CNTNAP5: variants seen among roughly 807,000 people sequenced by gnomAD.
The protein encoded by CNTNAP5 is contactin-associated protein-like 5.
CNTNAP5 carries 72 observed loss-of-function variants against 150.2 expected under a neutral mutation model. The ratio of observed to expected loss-of-function variants is 0.48; its 90% confidence interval spans 0.40 to 0.58. The LOEUF is 0.58. Ranked by LOEUF, CNTNAP5 falls within the 20% of genes least tolerant of loss-of-function variation. The probability of loss-of-function intolerance (pLI) is 0.00; values close to 1 mark genes in which losing one functional copy is unlikely to be tolerated. For missense variants in CNTNAP5, 1,636 were observed against 1,626.2 expected (o/e 1.01, Z -0.10); for synonymous variants, 672 against 619.8 (o/e 1.08, Z -1.25).
intron 19 of CNTNAP5, among the ~76,000 whole-genome samples, chr2:124,805,380 A>G (rs1682060584): frequency 5.9e-5 from 9 of 152,118 alleles, no homozygotes; most frequent in Admixed American, 5.9e-4. Context: ...GAACTAACTA[A>G]CAAAGACTTC....
At chr2:124,504,250 TA>T (rs771459851) in intron 7 of CNTNAP5, 41 bp from the exon 8 acceptor site, 4 of 1,591,454 alleles carry the variant, frequency 2.5e-6, no homozygotes, top group Non-Finnish European at 3.4e-6. Context: ...GATTGCGGAA[TA>T]AAAAATGGCT....
chr2:124,577,149 G>T (rs565789522), intron 11 of CNTNAP5, among the ~76,000 whole-genome samples: 1 of 152,226 alleles, frequency 6.6e-6, no homozygotes, highest in East Asian at 1.9e-4. Context: ...GGCTCTCAAT[G>T]ATCCTACTAT....
Position 124,417,433 on chromosome 2 carries a change from T to C in CNTNAP5, c.382-10T>C. 1 of 1,612,430 alleles carries C rather than the reference T, an allele frequency of 6.2e-7. No homozygotes were observed. Among genetic ancestry groups the C allele is most frequent in the African/African-American group, 1.3e-5 (1 of 75,042 alleles). ...CACAGACCTCACTGCCTCTCCTTTCTTCTCTGCAGACCTTTGCAGGAAACA... is the reference window on the plus strand; with the variant it reads ...CACAGACCTCACTGCCTCTCCTTTCCTCTCTGCAGACCTTTGCAGGAAACA... On this transcript the variant is annotated splice_polypyrimidine_tract_variant and intron_variant, in intron 3 of 23. Transcript: ENST00000682447.
chr2:124,245,615 A>G (rs917398364), intron 3 of CNTNAP5, among the ~76,000 whole-genome samples: 3 of 151,184 alleles, frequency 2.0e-5, no homozygotes, highest in African/African-American at 7.3e-5. Context: ...ATATATATGC[A>G]TGTGTGTGTA....
At chr2:124,271,012 T>G (rs1331205853) in intron 3 of CNTNAP5, among the ~76,000 whole-genome samples, 1 of 152,120 alleles carries the variant, frequency 6.6e-6, no homozygotes, top group Non-Finnish European at 1.5e-5. Flanking sequence ...GTCGATTCTT[T>G]CAGCCCTTGG....
chr2:124,825,401 C>T (rs1682571984), intron 19 of CNTNAP5, among the ~76,000 whole-genome samples: 1 of 152,118 alleles, frequency 6.6e-6, no homozygotes, highest in African/African-American at 2.4e-5. Flanking sequence ...CTCAAAGTCC[C>T]ATTTAAACTG....
intron 3 of CNTNAP5, among the ~76,000 whole-genome samples, chr2:124,397,210 G>A (rs998265773): frequency 6.6e-6 from 1 of 152,140 alleles, no homozygotes; most frequent in Non-Finnish European, 1.5e-5. Context: ...CAATTCTAGA[G>A]CCTTTCTGTC....
intron 13 of CNTNAP5, among the ~76,000 whole-genome samples, chr2:124,702,140 A>G (rs892097815): frequency 6.6e-6 from 1 of 151,850 alleles, no homozygotes; most frequent in African/African-American, 2.4e-5. Context: ...ATCACCTACC[A>G]AGGCTTTGAT....
chr2:124,510,387 A>ACACC (rs1553474693), intron 8 of CNTNAP5, among the ~76,000 whole-genome samples: 7 of 123,428 alleles, frequency 5.7e-5, no homozygotes, highest in African/African-American at 2.2e-4. Context: ...ACACACACAC[A>ACACC]CAAATATTCA....
At chr2:124,679,238 C>A (rs1477194189) in intron 13 of CNTNAP5, among the ~76,000 whole-genome samples, 1 of 151,774 alleles carries the variant, frequency 6.6e-6, no homozygotes, top group Non-Finnish European at 1.5e-5. Context: ...TGAATTGAGC[C>A]AAGAGCTAGC....
chr2:124,202,789 T>G (rs1005627764), intron 1 of CNTNAP5, among the ~76,000 whole-genome samples: 1 of 152,056 alleles, frequency 6.6e-6, no homozygotes, highest in Non-Finnish European at 1.5e-5. Flanking sequence ...AAGAAGAGCA[T>G]GGAAAAAATT....
intron 21 of CNTNAP5, among the ~76,000 whole-genome samples, chr2:124,885,370 A>G (rs1678056806): frequency 6.6e-6 from 1 of 152,016 alleles, no homozygotes; most frequent in African/African-American, 2.4e-5. Flanking sequence ...TTGAATAAGT[A>G]GGGACTATAG....
intron 19 of CNTNAP5, among the ~76,000 whole-genome samples, chr2:124,814,812 G>T (rs1163532084): frequency 6.6e-6 from 1 of 152,116 alleles, no homozygotes; most frequent in African/African-American, 2.4e-5. Flanking sequence ...AATTTTGATA[G>T]ATATTTTTCT....
At chr2:124,894,813 A>G (rs1678269966) in intron 21 of CNTNAP5, among the ~76,000 whole-genome samples, 1 of 151,456 alleles carries the variant, frequency 6.6e-6, no homozygotes, top group Admixed American at 6.6e-5. Context: ...TTGGCTTCCC[A>G]AAGTACTGGG....
chr2:124,584,622 C>CCA (rs1490753694), intron 11 of CNTNAP5, among the ~76,000 whole-genome samples: 1 of 152,160 alleles, frequency 6.6e-6, no homozygotes, highest in Non-Finnish European at 1.5e-5. Context: ...CACAGAAAGA[C>CCA]CACTCTTTAA....
chr2:124,571,842 T>C (rs1696170311), intron 11 of CNTNAP5, among the ~76,000 whole-genome samples: 1 of 151,946 alleles, frequency 6.6e-6, no homozygotes, highest in South Asian at 2.1e-4. Context: ...TGATTGGTAA[T>C]TGTTAAACGA....
chr2:124,843,234 C>T (rs982809323), intron 19 of CNTNAP5, among the ~76,000 whole-genome samples: 2 of 152,058 alleles, frequency 1.3e-5, no homozygotes, highest in Non-Finnish European at 1.5e-5. Flanking sequence ...CTGTAAATAT[C>T]ATTAATTTGT....
intron 19 of CNTNAP5, among the ~76,000 whole-genome samples, chr2:124,832,890 G>T (rs1682745968): frequency 6.6e-6 from 1 of 151,310 alleles, no homozygotes; most frequent in South Asian, 2.1e-4. Context: ...TTTAAGCTCT[G>T]AACTTTCTTT....
chr2:124,747,524 C>A (rs1209731925), intron 14 of CNTNAP5, 139 bp downstream of exon 14: 3 of 975,200 alleles, frequency 3.1e-6, no homozygotes, highest in Non-Finnish European at 4.7e-6. Context: ...GTTTTTTAAC[C>A]TTAAAAATGG....
Sources: gnomAD v4.1 joint callset for allele counts (sites outside exome capture counted in the v4.1 genomes callset) on GRCh38, gnomAD v4.1.1 for gene constraint, MANE v1.5 for transcripts, NCBI Gene and HGNC (gene_info 2026-07-23, HGNC 2026-07-21) for gene names.